Variants in ABCC9 observed in about 807,000 individuals in gnomAD.
ABCC9 encodes the protein ATP-binding cassette sub-family C member 9.
ABCC9 carries 95 observed loss-of-function variants against 188.3 expected under a neutral mutation model. That is an observed-to-expected ratio of 0.50 (90% confidence interval 0.43 to 0.60). The LOEUF (loss-of-function observed/expected upper bound fraction) is 0.60, where lower values mean the gene tolerates loss of function less well. ABCC9 is among the 20% of genes least tolerant of loss of function. The pLI is 0.00. For missense variants in ABCC9, 1,102 were observed against 1,876.3 expected, an observed-to-expected ratio of 0.59 and a Z score of 7.62; for synonymous variants, 659 against 652.7, an observed-to-expected ratio of 1.01 and a Z score of -0.15.
intron 30 of ABCC9, among the ~76,000 whole-genome samples, chr12:21,832,489 G>C (rs1370526112): frequency 1.3e-5 from 2 of 152,014 alleles, no homozygotes; most frequent in Non-Finnish European, 2.9e-5. Flanking sequence ...CTTCTTTTGG[G>C]TTTAAAAATG....
In ABCC9 at chr12:21,800,037, A is replaced by T. The variant is rs1941356765; in HGVS notation, c.*1007T>A. The T allele has an allele frequency of 6.6e-6, 1 of 152,178 alleles. No homozygotes were observed. Among genetic ancestry groups the T allele is most frequent in the African/African-American group, 2.4e-5 (1 of 41,440 alleles). 9.4% of individuals were successfully genotyped at this position (152,178 alleles called of 1,614,324 possible). A position where few individuals can be genotyped will look rare whatever the true frequency, so the allele number is the denominator to read the frequency against. ...ACCATTGGGCATAAATGTCTAGAAG[A>T]GGTAAACTCTTTCAGCTAGAAATAG... On this transcript the variant is annotated 3_prime_UTR_variant, in exon 40 of 40. Coordinates refer to ENST00000261200, the MANE Select transcript of ABCC9 (RefSeq NM_020297.4).
At chr12:21,891,638 C>G (rs1169869076) in intron 14 of ABCC9, among the ~76,000 whole-genome samples, 2 of 152,168 alleles carry the variant, frequency 1.3e-5, no homozygotes, top group African/African-American at 4.8e-5. Context: ...ATGGAATTCT[C>G]CTCCGGTAGA....
At position 21,862,934 on chromosome 12, in the gene ABCC9, T is replaced by A; in HGVS notation, c.2339+19A>T. 1 of 1,541,428 alleles carries A rather than the reference T, an allele frequency of 6.5e-7. No homozygotes were observed. The highest frequency in any genetic ancestry group is 1.1e-5 in the South Asian group (1 of 89,548). On this transcript the variant is annotated intron_variant, in intron 20 of 39. Coordinates refer to ENST00000261200, the MANE Select transcript of ABCC9 (RefSeq NM_020297.4). ...AAGAGTTGCCATTTTGGTTCTAAATTTTATATGCTCAAAATTACCTCTGTT... is the reference window on the plus strand; with the variant it reads ...AAGAGTTGCCATTTTGGTTCTAAATATTATATGCTCAAAATTACCTCTGTT...
chr12:21,876,294 T>A (rs1456894670), intron 16 of ABCC9, among the ~76,000 whole-genome samples: 1 of 152,212 alleles, frequency 6.6e-6, no homozygotes, highest in Non-Finnish European at 1.5e-5. Flanking sequence ...AAGACAATTA[T>A]CCCAAACATT....
chr12:21,938,617 G>A (rs367702532), intron 2 of ABCC9, among the ~76,000 whole-genome samples: 6 of 152,146 alleles, frequency 3.9e-5, no homozygotes, highest in South Asian at 4.1e-4. Context: ...AACTTTCCTC[G>A]CACAAACTAG....
chr12:21,880,864 A>G (rs1592138189), intron 16 of ABCC9, among the ~76,000 whole-genome samples: 1 of 152,140 alleles, frequency 6.6e-6, no homozygotes, highest in Non-Finnish European at 1.5e-5. Context: ...ACTGTTCACA[A>G]TAGCCCCAAA....
chr12:21,904,979 C>A (rs11046229), intron 12 of ABCC9, among the ~76,000 whole-genome samples: 1 of 152,042 alleles, frequency 6.6e-6, no homozygotes, highest in African/African-American at 2.4e-5. Context: ...CACATTCACA[C>A]ATGTGTTTAT....
chr12:21,825,891 G>A (rs930590294), intron 31 of ABCC9, among the ~76,000 whole-genome samples: 2 of 152,100 alleles, frequency 1.3e-5, no homozygotes, highest in African/African-American at 4.8e-5. Flanking sequence ...TCTTTCTTGA[G>A]ATTTTCTGTC....
At chr12:21,928,207 A>G (rs1454290124) in intron 4 of ABCC9, among the ~76,000 whole-genome samples, 2 of 145,362 alleles carry the variant, frequency 1.4e-5, no homozygotes, top group Admixed American at 6.9e-5. Flanking sequence ...GCAACAGAGC[A>G]AGACTCTGTC....
chr12:21,845,766 G>A lies in ABCC9; in HGVS notation c.2933C>T (p.Pro978Leu). The A allele has an allele frequency of 1.9e-6, 3 of 1,613,822 alleles. No homozygotes were observed. Among genetic ancestry groups the A allele is most frequent in the African/African-American group, 2.7e-5 (2 of 75,012 alleles). The change falls in exon 26 of 40, where the codon CCA becomes CTA. Residue 978 changes from proline (P) to leucine (L), a missense_variant. Physicochemically the swap from Pro to Leu is moderately conservative, Grantham distance 98. Around this residue, in one of 12 missense-constraint regions of ABCC9, gnomAD observed 131 missense variants for 170.2 expected, o/e 0.77. Transcript: ENST00000261200. ...STVMRLRTKM[P>L]WKTCWRYLTS... ...CAGGTAGCGCCAGCAGGTTTTCCAT[G>A]GCATTTTAGTCCTGAGCCTCATTAC...
At chr12:21,870,653 A>G (rs982303611) in intron 18 of ABCC9, among the ~76,000 whole-genome samples, 2 of 152,104 alleles carry the variant, frequency 1.3e-5, no homozygotes, top group Admixed American at 6.6e-5. Flanking sequence ...CCTAGCTTTC[A>G]TGAAGTTCAG....
intron 15 of ABCC9, among the ~76,000 whole-genome samples, chr12:21,887,619 A>G (rs958463635): frequency 6.6e-6 from 1 of 151,966 alleles, no homozygotes. Context: ...TCTTAGGATA[A>G]TTTTTTCTGG....
intron 37 of ABCC9, among the ~76,000 whole-genome samples, chr12:21,809,099 A>T (rs1423972490): frequency 6.6e-6 from 1 of 152,188 alleles, no homozygotes; most frequent in Non-Finnish European, 1.5e-5. Flanking sequence ...ATCAATAACT[A>T]TTATCTTTCC....
intron 5 of ABCC9, among the ~76,000 whole-genome samples, 163 bp downstream of exon 5, chr12:21,925,779 A>G (rs1298566313): frequency 6.6e-6 from 1 of 151,946 alleles, no homozygotes; most frequent in African/African-American, 2.4e-5. Context: ...CTTCAACCCC[A>G]CATTTACTGG....
chr12:21,874,137 C>CA (rs35973129), intron 17 of ABCC9, among the ~76,000 whole-genome samples: 150,446 of 151,930 alleles, frequency 0.99, 74,500 homozygotes, highest in South Asian at 1. Context: ...ATATAAAATA[C>CA]AAAAAAAACT....
At chr12:21,871,291 G>A (rs1052988587) in intron 18 of ABCC9, among the ~76,000 whole-genome samples, 8 of 152,110 alleles carry the variant, frequency 5.3e-5, no homozygotes, top group Non-Finnish European at 7.4e-5. Context: ...GGGAAACCTT[G>A]TCTAGTGCCA....
intron 18 of ABCC9, among the ~76,000 whole-genome samples, chr12:21,870,875 G>A (rs1003678179): frequency 1.3e-5 from 2 of 152,148 alleles, no homozygotes; most frequent in Admixed American, 6.5e-5. Flanking sequence ...AAATAAATAG[G>A]TTATAAAGAA....
chr12:21,852,272 A>C, intron 23 of ABCC9, 50 bp from the exon 24 acceptor site: 1 of 1,613,608 alleles, frequency 6.2e-7, no homozygotes, highest in Non-Finnish European at 8.5e-7. Flanking sequence ...CTTGATTGGC[A>C]AAATGAACTA....
At chr12:21,925,474 A>G in intron 5 of ABCC9, 2 of 702,528 alleles carry the variant, frequency 2.8e-6, no homozygotes, top group South Asian at 1.5e-5. Flanking sequence ...TTCTAGTAAA[A>G]TGTGGCATTC....
Sources: gnomAD v4.1 joint callset for allele counts (sites outside exome capture counted in the v4.1 genomes callset) on GRCh38, gnomAD v4.1.1 for gene constraint, gnomAD v4.1.1 regional missense constraint, MANE v1.5 for transcripts, NCBI Gene and HGNC (gene_info 2026-07-23, HGNC 2026-07-21) for gene names.